The following HAPLN1 variants were observed in gnomAD, a reference collection of about 807,000 sequenced individuals.
HAPLN1 encodes hyaluronan and proteoglycan link protein 1.
In HAPLN1, 13 loss-of-function variants were observed where a neutral mutation model predicts 36.5. That is an observed-to-expected ratio of 0.36 (90% CI 0.23 to 0.57). HAPLN1 has a LOEUF of 0.57. Among genes scored for constraint, HAPLN1 ranks in the 20% least tolerant of loss-of-function variants. The pLI is 0.83. For synonymous variants in HAPLN1, 202 were observed against 169.8 expected (o/e 1.19, Z -1.48); for missense variants, 407 against 439.7 (o/e 0.93, Z 0.66).
intron 1 of HAPLN1, among the ~76,000 whole-genome samples, chr5:83,716,505 T>A (rs1751914590): frequency 6.6e-6 from 1 of 152,198 alleles, no homozygotes; most frequent in South Asian, 2.1e-4. Context: ...CAGCAACATT[T>A]GATACTTAAA....
intron 3 of HAPLN1, 132 bp downstream of exon 3, chr5:83,652,321 G>A: frequency 1.2e-6 from 1 of 860,422 alleles, no homozygotes; most frequent in Non-Finnish European, 1.8e-6. Flanking sequence ...GAATACAAAA[G>A]AATAAGATGC....
chr5:83,657,479 A>G (rs1750253829), intron 2 of HAPLN1, among the ~76,000 whole-genome samples: 1 of 152,194 alleles, frequency 6.6e-6, no homozygotes, highest in African/African-American at 2.4e-5. Context: ...AAACAATGAC[A>G]TTACATGAAA....
At position 83,700,069 on chromosome 5, in the gene HAPLN1, C is replaced by T. The variant is rs113711144; in HGVS notation, c.-27+20720G>A. ...ATTAGCTGGGCATGGTGGCTCATGC[C>T]TGTAGTCCCAGTTACTTGGGAGGCT... On this transcript the variant is annotated intron_variant, in intron 1 of 4. Coordinates refer to ENST00000274341, the MANE Select transcript of HAPLN1 (RefSeq NM_001884.4). Among the ~76,000 whole-genome samples, 611 of 151,936 alleles carry T rather than the reference C, an allele frequency of 4.0e-3. 4 individuals carry two copies. The highest frequency in any genetic ancestry group is 0.014 in the African/African-American group (576 of 41,458).
At chr5:83,698,817 ACC>A (rs1281431556) in intron 1 of HAPLN1, among the ~76,000 whole-genome samples, 2 of 152,290 alleles carry the variant, frequency 1.3e-5, no homozygotes, top group East Asian at 3.9e-4. Context: ...GGCCTACTTG[ACC>A]CCATAGTATA....
intron 2 of HAPLN1, among the ~76,000 whole-genome samples, chr5:83,670,623 A>G (rs1750682628): frequency 6.6e-6 from 1 of 152,044 alleles, no homozygotes; most frequent in African/African-American, 2.4e-5. Context: ...TTTCACTAGA[A>G]ATACCTTGCA....
intron 1 of HAPLN1, among the ~76,000 whole-genome samples, chr5:83,679,493 T>A (rs905427041): frequency 7.2e-5 from 11 of 152,214 alleles, no homozygotes; most frequent in African/African-American, 2.4e-4. Context: ...CTTTCTTGCT[T>A]TTGTTTATCC....
At position 83,645,443 on chromosome 5, in the gene HAPLN1, A is replaced by AT. The variant is rs549094538; in HGVS notation, c.473-779dup. Among the ~76,000 whole-genome samples, 26 of 107,784 alleles carry AT rather than the reference A, an allele frequency of 2.4e-4. 1 individual carries two copies. The highest frequency in any genetic ancestry group is 6.6e-4 in the South Asian group (2 of 3,042). The allele number at this position is 107,784 out of a possible 152,430, so 70.7% of individuals were successfully genotyped here. On this transcript the variant is annotated intron_variant, in intron 3 of 4. Transcript: ENST00000274341. ...GTAAACTCTCTTAAAACATTGTGAG[A>AT]TTTTTTGTGATTTTCTTTTTTCTTT... is the stretch of plus-strand genomic sequence containing the variant.
At chr5:83,649,605 TG>T (rs1749994903) in intron 3 of HAPLN1, among the ~76,000 whole-genome samples, 1 of 152,072 alleles carries the variant, frequency 6.6e-6, no homozygotes, top group Non-Finnish European at 1.5e-5. Flanking sequence ...CGTACCACCA[TG>T]CCAGGCTAAT....
chr5:83,651,810 T>C (rs1185328881), intron 3 of HAPLN1, among the ~76,000 whole-genome samples: 1 of 152,144 alleles, frequency 6.6e-6, no homozygotes, highest in African/African-American at 2.4e-5. Flanking sequence ...GAGGCAAGGA[T>C]GGCAAGGACA....
chr5:83,652,885 T>A (rs1750111251), intron 2 of HAPLN1, 61 bp from the exon 3 acceptor site: 3 of 1,380,210 alleles, frequency 2.2e-6, no homozygotes, highest in Non-Finnish European at 2.9e-6. Flanking sequence ...GACATTTTCA[T>A]AAAATGAAAT....
chr5:83,675,305 C>G (rs1222258205), intron 1 of HAPLN1: 1 of 152,050 alleles, frequency 6.6e-6, no homozygotes, highest in Non-Finnish European at 1.5e-5. Context: ...GTGATGTGCT[C>G]TCTGCTTGTT....
chr5:83,660,618 T>C (rs1291859190), intron 2 of HAPLN1, among the ~76,000 whole-genome samples: 1 of 151,826 alleles, frequency 6.6e-6, no homozygotes, highest in Admixed American at 6.5e-5. Flanking sequence ...CTTTTCTTAA[T>C]CTTTTTTTTC....
rs56115447 is a variant in HAPLN1 at position 83,648,395 on chromosome 5, CTATATATATATATATATATATATATA to C, written c.473-3756_473-3731del. On this transcript the variant is annotated intron_variant, in intron 3 of 4. Coordinates refer to ENST00000274341, the MANE Select transcript of HAPLN1 (RefSeq NM_001884.4). ...GGATGTGGCCTCTTCCTATATTTGA[CTATATATATATATATATATATATATA>C]TATATATATATATATATGGTTTGAA... Among the ~76,000 whole-genome samples the C allele has an allele frequency of 5.4e-4, 33 of 60,666 alleles. 2 individuals carry two copies. The South Asian group carries it at 9.7e-3, about 18-fold the overall frequency. The allele number at this position is 60,666 out of a possible 152,430, so 39.8% of individuals were successfully genotyped here.
intron 1 of HAPLN1, among the ~76,000 whole-genome samples, chr5:83,700,557 T>C (rs1294525608): frequency 6.6e-6 from 1 of 151,874 alleles, no homozygotes; most frequent in African/African-American, 2.4e-5. Context: ...TACATAGTAA[T>C]ATAAATTAAG....
intron 1 of HAPLN1, among the ~76,000 whole-genome samples, chr5:83,684,832 C>A (rs1751084568): frequency 6.6e-6 from 1 of 152,080 alleles, no homozygotes; most frequent in Non-Finnish European, 1.5e-5. Flanking sequence ...TCTTTACATA[C>A]CTCATAAGAA....
chr5:83,673,735 A>G, intron 1 of HAPLN1, 186 bp from the exon 2 acceptor site: 1 of 513,906 alleles, frequency 1.9e-6, no homozygotes. Context: ...AATTCCTGCT[A>G]CCATCATGTA....
In HAPLN1 at chr5:83,706,103, C is replaced by CAAAA. The variant is rs771717902; in HGVS notation, c.-27+14685_-27+14686insTTTT. Among the ~76,000 whole-genome samples the CAAAA allele has an allele frequency of 1.4e-4, 13 of 92,328 alleles. 1 individual carries two copies. The highest frequency in any genetic ancestry group is 1.7e-4 in the African/African-American group (4 of 23,560). The allele number at this position is 92,328 out of a possible 152,430, so 60.6% of individuals were successfully genotyped here. A position where few individuals can be genotyped will look rare whatever the true frequency, so the allele number is the denominator to read the frequency against. On this transcript the variant is annotated intron_variant, in intron 1 of 4. Coordinates refer to ENST00000274341, the MANE Select transcript of HAPLN1 (RefSeq NM_001884.4). ...AATCAGTAATAAATAGCCTACCAAT[C>CAAAA]GAAAAAAAAAAAAAACAAAAGCCCA...
chr5:83,641,830 A>C, intron 4 of HAPLN1, 45 bp from the exon 5 acceptor site: 1 of 1,577,602 alleles, frequency 6.3e-7, no homozygotes, highest in South Asian at 1.1e-5. Context: ...TCTTCAATTG[A>C]GCCACACAGA....
At chr5:83,644,286 AT>A in intron 4 of HAPLN1, 76 bp downstream of exon 4, 1 of 1,119,992 alleles carries the variant, frequency 8.9e-7, no homozygotes, top group East Asian at 2.9e-5. Context: ...AGAAGATAAG[AT>A]TAAAAGCCAA....
Sources: gnomAD v4.1 joint callset for allele counts (sites outside exome capture counted in the v4.1 genomes callset) on GRCh38, gnomAD v4.1.1 for gene constraint, MANE v1.5 for transcripts, NCBI Gene and HGNC (gene_info 2026-07-23, HGNC 2026-07-21) for gene names.